GMPR: variants seen among roughly 807,000 people sequenced by gnomAD.
GMPR encodes the protein GMP reductase 1.
A neutral mutation model predicts 38.4 loss-of-function variants in GMPR; 31 were observed. The observed-to-expected ratio is 0.81, with a 90% confidence interval of 0.61 to 1.09. The LOEUF (loss-of-function observed/expected upper bound fraction) is 1.09. GMPR is among the 50% of genes least tolerant of loss of function. The pLI is 0.00. For missense variants in GMPR, 468 were observed against 453.7 expected (o/e 1.03, Z -0.29); for synonymous variants, 162 against 173.3 (o/e 0.93, Z 0.51).
At chr6:16,240,513 G>C (rs1270076792) in intron 1 of GMPR, among the ~76,000 whole-genome samples, 2 of 151,544 alleles carry the variant, frequency 1.3e-5, no homozygotes, top group Non-Finnish European at 2.9e-5. Context: ...GTGCTCACCT[G>C]TAGTCCCAGC....
At chr6:16,288,692 T>C (rs1759751882) in intron 7 of GMPR, among the ~76,000 whole-genome samples, 1 of 152,200 alleles carries the variant, frequency 6.6e-6, no homozygotes, top group African/African-American at 2.4e-5. Flanking sequence ...CCAGTGCGGA[T>C]CCACTGGATG....
chr6:16,254,410 TGCATGTGTCTTGA>T, intron 3 of GMPR, 139 bp from the exon 4 acceptor site: 1 of 627,938 alleles, frequency 1.6e-6, no homozygotes, highest in South Asian at 2.1e-5. Flanking sequence ...CCTCTGCTGT[TGCATGTGTCTTGA>T]GCAGGTGCAC....
rs573383857 is a variant in GMPR at position 16,282,040 on chromosome 6, A to G, written c.654+3150A>G. Reference sequence around the variant, plus strand: ...ACTTGCCAGTAGCCCTGAACCTGCTAGAAACCCACCAGGTGTTTTGGATCC... The same window carrying G: ...ACTTGCCAGTAGCCCTGAACCTGCTGGAAACCCACCAGGTGTTTTGGATCC... On this transcript the variant is annotated intron_variant, in intron 6 of 8. Coordinates refer to ENST00000259727, the MANE Select transcript of GMPR (RefSeq NM_006877.4). Among the ~76,000 whole-genome samples the G allele has an allele frequency of 1.6e-3, 241 of 152,328 alleles. 3 individuals are homozygous for G. Among genetic ancestry groups the G allele is most frequent in the African/African-American group, 5.5e-3 (227 of 41,572 alleles).
chr6:16,288,719 T>TA (rs979138239), intron 7 of GMPR, among the ~76,000 whole-genome samples: 6 of 152,206 alleles, frequency 3.9e-5, no homozygotes, highest in Non-Finnish European at 8.8e-5. Flanking sequence ...GCTGGGCTCC[T>TA]CAGTCTGGTG....
intron 3 of GMPR, among the ~76,000 whole-genome samples, chr6:16,251,922 T>C (rs1189956049): frequency 6.6e-6 from 1 of 152,126 alleles, no homozygotes; most frequent in East Asian, 1.9e-4. Context: ...ATTCAGGTGG[T>C]TCTGAGCTGA....
intron 7 of GMPR, among the ~76,000 whole-genome samples, chr6:16,289,131 G>A (rs559799905): frequency 6.6e-6 from 1 of 152,200 alleles, no homozygotes; most frequent in Non-Finnish European, 1.5e-5. Flanking sequence ...GGCCCACACT[G>A]CTTTTATGAG....
intron 8 of GMPR, among the ~76,000 whole-genome samples, chr6:16,293,312 A>C (rs1197949574): frequency 6.6e-6 from 1 of 152,232 alleles, no homozygotes; most frequent in Non-Finnish European, 1.5e-5. Flanking sequence ...GGCCATGGAA[A>C]TATCTTACGA....
Position 16,294,997 on chromosome 6 carries a change from G to A in GMPR, c.858-9G>A, listed in dbSNP as rs373964113. 8.2e-5 allele frequency: 131 copies of A among 1,602,106 alleles called. No individual in the cohort carries two copies. The highest frequency in any genetic ancestry group is 2.5e-4 in the South Asian group (23 of 90,538). On this transcript the variant is annotated splice_polypyrimidine_tract_variant and intron_variant, in intron 8 of 8. Coordinates refer to ENST00000259727, the MANE Select transcript of GMPR (RefSeq NM_006877.4). ...ACTAGATAAAAAGAAAACTTCTATC[G>A]TCTTCCAGAGCCTCTGAGGGTAAGA...
At chr6:16,261,332 G>A (rs1345944241) in intron 4 of GMPR, among the ~76,000 whole-genome samples, 1 of 152,026 alleles carries the variant, frequency 6.6e-6, no homozygotes, top group Non-Finnish European at 1.5e-5. Context: ...GGGCTTGACT[G>A]AAGTAATGGG....
At chr6:16,271,933 G>A (rs1045900411) in intron 4 of GMPR, among the ~76,000 whole-genome samples, 1 of 152,138 alleles carries the variant, frequency 6.6e-6, no homozygotes, top group Non-Finnish European at 1.5e-5. Flanking sequence ...CTCTTAGGCT[G>A]GGTGCGGTGC....
intron 1 of GMPR, among the ~76,000 whole-genome samples, chr6:16,244,111 T>TC (rs985214466): frequency 6.6e-6 from 1 of 151,796 alleles, no homozygotes; most frequent in African/African-American, 2.4e-5. Context: ...TTTTTTTTTT[T>TC]CAGGGTAGGA....
chr6:16,290,306 TCCAGGAGGAGA>T, intron 7 of GMPR, 145 bp from the exon 8 acceptor site: 2 of 699,344 alleles, frequency 2.9e-6, no homozygotes, highest in Admixed American at 2.3e-5. Flanking sequence ...TCTCCCTTTT[TCCAGGAGGAGA>T]CAGGCGAGAG....
chr6:16,276,252 C>T (rs1033159005), intron 5 of GMPR, among the ~76,000 whole-genome samples: 1 of 151,980 alleles, frequency 6.6e-6, no homozygotes, highest in Non-Finnish European at 1.5e-5. Flanking sequence ...TCACTGCAAC[C>T]TTCGCCTCAG....
Position 16,295,284 on chromosome 6 carries a change from C to G in GMPR, c.*98C>G. On this transcript the variant is annotated 3_prime_UTR_variant, in exon 9 of 9. Transcript: ENST00000259727. ...GTTCCGTCAGAGCTTCTGGCTGCTC[C>G]TGAATGGTGGAATGCTGTGTCCTCT... The G allele has an allele frequency of 1.1e-6, 1 of 904,488 alleles. No individual in the cohort carries two copies. The allele number at this position is 904,488 out of a possible 1,614,324, so 56.0% of individuals were successfully genotyped here. A position where few individuals can be genotyped will look rare whatever the true frequency, so the allele number is the denominator to read the frequency against.
intron 2 of GMPR, among the ~76,000 whole-genome samples, chr6:16,249,943 A>G (rs1383685812): frequency 1.3e-5 from 2 of 151,972 alleles, no homozygotes; most frequent in Admixed American, 6.5e-5. Context: ...TCTTTGGACC[A>G]TCAGTGCTGC....
chr6:16,252,328 C>G (rs1758890175), intron 3 of GMPR, among the ~76,000 whole-genome samples: 1 of 152,142 alleles, frequency 6.6e-6, no homozygotes, highest in African/African-American at 2.4e-5. Flanking sequence ...GGCGTGATCT[C>G]TGCTCACTGC....
chr6:16,293,922 C>T (rs921050204), intron 8 of GMPR, among the ~76,000 whole-genome samples: 1 of 152,194 alleles, frequency 6.6e-6, no homozygotes, highest in Non-Finnish European at 1.5e-5. Flanking sequence ...TTCAGATTTC[C>T]TTCTGGTAAT....
chr6:16,268,603 G>T (rs890250604), intron 4 of GMPR, among the ~76,000 whole-genome samples: 1 of 152,138 alleles, frequency 6.6e-6, no homozygotes, highest in African/African-American at 2.4e-5. Context: ...TATGTTAGGG[G>T]TTGGCACATC....
intron 1 of GMPR, among the ~76,000 whole-genome samples, chr6:16,239,735 C>CG (rs1758610243): frequency 1.3e-5 from 2 of 152,246 alleles, no homozygotes; most frequent in South Asian, 4.1e-4. Context: ...GCAAAGAAGT[C>CG]CGCTGCCCAC....
Sources: allele counts gnomAD v4.1 joint callset (sites outside exome capture counted in the v4.1 genomes callset), GRCh38; gene constraint gnomAD v4.1.1; transcripts MANE v1.5; gene names NCBI Gene and HGNC (gene_info 2026-07-23, HGNC 2026-07-21).